XRCC4: variants seen among roughly 807,000 people sequenced by gnomAD.
The protein encoded by XRCC4 is DNA repair protein XRCC4.
Under a neutral mutation model 39.1 loss-of-function variants are expected in XRCC4, and 28 were observed. That is an observed-to-expected ratio of 0.72 (90% CI 0.53 to 0.98). The LOEUF (loss-of-function observed/expected upper bound fraction) is 0.98, where lower values mean the gene tolerates loss of function less well. Ranked by LOEUF, XRCC4 falls within the 50% of genes least tolerant of loss-of-function variation. The probability of loss-of-function intolerance (pLI) is 0.00; values close to 1 mark genes in which losing one functional copy is unlikely to be tolerated. For missense variants in XRCC4, 350 were observed against 376.4 expected (o/e 0.93, Z 0.58); for synonymous variants, 123 against 126.4 (o/e 0.97, Z 0.18).
At position 83,195,898 on chromosome 5, in the gene XRCC4, T is replaced by C; in HGVS notation, c.444T>C (p.Asn148=). Residue 148 remains asparagine (N), a synonymous_variant, in exon 4 of 8, where the codon AAT becomes AAC. Transcript: ENST00000396027. ...QAKNEHLQKE[N]ERLLRDWNDV... is the part of the protein sequence containing the mutation. ...AAAATGAGCACCTGCAGAAAGAAAA[T>C]GAAAGGCTTCTGAGAGATTGGAATG... 1.2e-6 allele frequency: 2 copies of C among 1,612,094 alleles called. No individual in the cohort carries two copies. The highest frequency in any genetic ancestry group is 2.2e-5 in the East Asian group (1 of 44,774).
Position 83,284,220 on chromosome 5 carries a change from G to A in XRCC4, c.893+25543G>A, listed in dbSNP as rs182213121. On this transcript the variant is annotated intron_variant, in intron 7 of 7. Transcript: ENST00000396027. ...ATTTTGTAGAGCACTCTTTTCATTT[G>A]ATGTTTAATTCTTCTGGTAAAAAGG... Among the ~76,000 whole-genome samples, 23 of 151,972 alleles carry A rather than the reference G, an allele frequency of 1.5e-4. No individual in the cohort carries two copies. In the East Asian group the frequency reaches 4.4e-3, roughly 29 times the overall value.
chr5:83,295,111 G>T (rs1273458543), intron 7 of XRCC4, among the ~76,000 whole-genome samples: 1 of 151,992 alleles, frequency 6.6e-6, no homozygotes, highest in East Asian at 1.9e-4. Context: ...CTGAGTAAAA[G>T]TAAAAGGATT....
chr5:83,102,709 T>C (rs922759794), intron 1 of XRCC4, among the ~76,000 whole-genome samples: 2 of 152,088 alleles, frequency 1.3e-5, no homozygotes, highest in Non-Finnish European at 2.9e-5. Flanking sequence ...CAACAGCTCC[T>C]TATCTGGCAA....
chr5:83,341,132 C>A (rs1756743875), intron 7 of XRCC4, among the ~76,000 whole-genome samples: 1 of 151,780 alleles, frequency 6.6e-6, no homozygotes, highest in Admixed American at 6.6e-5. Flanking sequence ...ATTTGGAAAA[C>A]CTAGGTTAAA....
chr5:83,107,077 T>C (rs1266853448), intron 2 of XRCC4, among the ~76,000 whole-genome samples: 1 of 152,064 alleles, frequency 6.6e-6, no homozygotes, highest in Admixed American at 6.6e-5. Context: ...TTTGGTTTCC[T>C]GTACCAAACA....
intron 7 of XRCC4, among the ~76,000 whole-genome samples, chr5:83,289,867 C>T (rs1754857239): frequency 6.6e-6 from 1 of 151,750 alleles, no homozygotes; most frequent in African/African-American, 2.4e-5. Context: ...GATGACTCTC[C>T]CCCTGGCAGA....
intron 7 of XRCC4, among the ~76,000 whole-genome samples, chr5:83,278,649 A>G (rs529406484): frequency 6.6e-6 from 1 of 152,116 alleles, no homozygotes; most frequent in South Asian, 2.1e-4. Flanking sequence ...ATAAGTTAAC[A>G]TTATTAAGTT....
At position 83,336,880 on chromosome 5, in the gene XRCC4, A is replaced by AT. The variant is rs1756610867; in HGVS notation, c.894-16251_894-16250insT. Among the ~76,000 whole-genome samples, 10 of 152,320 alleles carry AT rather than the reference A, an allele frequency of 6.6e-5. No individual in the cohort carries two copies. In the South Asian group the frequency reaches 2.1e-3, roughly 32 times the overall value. On this transcript the variant is annotated intron_variant, in intron 7 of 7. Coordinates refer to ENST00000396027, the MANE Select transcript of XRCC4 (RefSeq NM_003401.5). ...GTTAGTGTAAATTTGTAAACATTTA[A>AT]ATTTATAAACATCCAAAACTACTTG...
At chr5:83,131,690 A>G (rs1331124391) in intron 3 of XRCC4, among the ~76,000 whole-genome samples, 1 of 151,704 alleles carries the variant, frequency 6.6e-6, no homozygotes, top group African/African-American at 2.4e-5. Flanking sequence ...ATCAGAGACT[A>G]GGATTGCAAC....
At chr5:83,101,462 A>C (rs1166330712) in intron 1 of XRCC4, among the ~76,000 whole-genome samples, 1 of 152,130 alleles carries the variant, frequency 6.6e-6, no homozygotes, top group South Asian at 2.1e-4. Context: ...ATTAAAAGAA[A>C]AAGAACCTAT....
chr5:83,358,909 C>T, the XRCC4 span, among the ~76,000 whole-genome samples: 2 of 152,158 alleles, frequency 1.3e-5, no homozygotes, highest in Non-Finnish European at 2.9e-5. Context: ...GAAGCGACTG[C>T]AAGGATGCCT....
chr5:83,121,183 C>T (rs1746992139), intron 3 of XRCC4, among the ~76,000 whole-genome samples: 2 of 152,136 alleles, frequency 1.3e-5, no homozygotes, highest in Non-Finnish European at 2.9e-5. Context: ...TTTGTTTATG[C>T]ATTCACCAGT....
intron 7 of XRCC4, among the ~76,000 whole-genome samples, chr5:83,262,331 C>A (rs1018407793): frequency 3.3e-5 from 5 of 151,976 alleles, no homozygotes; most frequent in African/African-American, 7.3e-5. Flanking sequence ...TTGTGCAGAG[C>A]GAAGGGAGTA....
At chr5:83,262,707 G>A (rs1348789414) in intron 7 of XRCC4, among the ~76,000 whole-genome samples, 5 of 151,832 alleles carry the variant, frequency 3.3e-5, no homozygotes, top group East Asian at 1.9e-4. Context: ...AAGAAAATTT[G>A]TTGTAAAGTT....
chr5:83,290,146 G>T (rs1580470470), intron 7 of XRCC4, among the ~76,000 whole-genome samples: 1 of 151,854 alleles, frequency 6.6e-6, no homozygotes, highest in East Asian at 1.9e-4. Context: ...TTGGATGGTT[G>T]TTTGCCCTGC....
chr5:83,106,441 A>G (rs527678477), intron 2 of XRCC4, among the ~76,000 whole-genome samples: 2 of 152,246 alleles, frequency 1.3e-5, no homozygotes, highest in African/African-American at 4.8e-5. Context: ...GTTGTCAGAC[A>G]GATGACCTTA....
intron 2 of XRCC4, among the ~76,000 whole-genome samples, chr5:83,110,306 T>C (rs1363432114): frequency 6.6e-6 from 1 of 151,996 alleles, no homozygotes; most frequent in Admixed American, 6.6e-5. Context: ...TACGTTTATT[T>C]AAATATTTAA....
intron 7 of XRCC4, among the ~76,000 whole-genome samples, chr5:83,286,722 T>C (rs1754746062): frequency 6.6e-6 from 1 of 152,088 alleles, no homozygotes; most frequent in African/African-American, 2.4e-5. Context: ...ATTGAATAAC[T>C]AGGTACTCTT....
chr5:83,229,448 T>C (rs1304447278), intron 6 of XRCC4, among the ~76,000 whole-genome samples: 1 of 151,736 alleles, frequency 6.6e-6, no homozygotes, highest in African/African-American at 2.4e-5. Context: ...AGGGATGGTA[T>C]CTAGTATTGT....
Sources: gnomAD v4.1 joint callset for allele counts (sites outside exome capture counted in the v4.1 genomes callset) on GRCh38, gnomAD v4.1.1 for gene constraint, MANE v1.5 for transcripts, NCBI Gene and HGNC (gene_info 2026-07-23, HGNC 2026-07-21) for gene names.